TCN2: variants seen among roughly 807,000 people sequenced by gnomAD.
TCN2 encodes the protein transcobalamin 2.
A neutral mutation model predicts 48.6 loss-of-function variants in TCN2; 34 were observed. The ratio of observed to expected loss-of-function variants is 0.70; its 90% CI spans 0.53 to 0.93. The LOEUF (loss-of-function observed/expected upper bound fraction) is 0.93. TCN2 is among the 40% of genes least tolerant of loss of function. The pLI is 0.00. For synonymous variants in TCN2, 283 were observed against 212.5 expected, an observed-to-expected ratio of 1.33 and a Z score of -2.89; for missense variants, 652 against 526.1, an observed-to-expected ratio of 1.24 and a Z score of -2.34.
intron 1 of TCN2, among the ~76,000 whole-genome samples, chr22:30,609,137 GCTTC>G (rs1366097942): frequency 6.6e-6 from 1 of 151,496 alleles, no homozygotes; most frequent in Non-Finnish European, 1.5e-5. Flanking sequence ...GGGCTCCTGT[GCTTC>G]CTTTTCTCTT....
rs1384095160 is a variant in TCN2 at position 30,624,080 on chromosome 22, A to ATATT, written c.1222+998_1222+999insATTT. On this transcript the variant is annotated intron_variant, in intron 8 of 8. Transcript: ENST00000215838. ...CACACACATATATATATATATATAT[A>ATATT]TTTTTTTTTTTTGAGATGGAGTCTT... 7.5e-4 allele frequency among the ~76,000 whole-genome samples: 31 copies of ATATT among 41,302 alleles called. 7 individuals are homozygous for ATATT. The highest frequency in any genetic ancestry group is 3.7e-3 in the African/African-American group (16 of 4,312). 27.1% of individuals were successfully genotyped at this position (41,302 alleles called of 152,430 possible).
At position 30,626,013 on chromosome 22, in the gene TCN2, ACACT is replaced by A. The variant is rs962238323; in HGVS notation, c.1223-440_1223-437del. 4.3e-4 allele frequency among the ~76,000 whole-genome samples: 66 copies of A among 152,276 alleles called. No homozygotes were observed. In the Middle Eastern group the frequency reaches 0.017, roughly 39 times the overall value. On this transcript the variant is annotated intron_variant, in intron 8 of 8. Transcript: ENST00000215838. The stretch of plus-strand genomic sequence containing the variant: ...TCCCACATCACCAACAAGAGCAGCG[ACACT>A]CACTCAGAGGTTAAATAACTTGTCC...
intron 3 of TCN2, 23 bp downstream of exon 3, chr22:30,613,065 G>A (rs1226661507): frequency 1.2e-6 from 2 of 1,613,126 alleles, no homozygotes; most frequent in Admixed American, 3.3e-5. Flanking sequence ...CATCCGCTGG[G>A]GGTGGGGAGC....
chr22:30,622,261 A>C (rs1433323084), intron 7 of TCN2, among the ~76,000 whole-genome samples: 2 of 151,926 alleles, frequency 1.3e-5, no homozygotes, highest in Non-Finnish European at 2.9e-5. Context: ...TACTGGGATT[A>C]CAGGGTTGAG....
intron 7 of TCN2, among the ~76,000 whole-genome samples, chr22:30,621,990 G>T (rs922345762): frequency 1.3e-5 from 2 of 151,140 alleles, no homozygotes; most frequent in African/African-American, 4.9e-5. Flanking sequence ...CACGGAGTTT[G>T]TTTTGTTTTG....
intron 2 of TCN2, among the ~76,000 whole-genome samples, chr22:30,611,880 C>T (rs1456114395): frequency 2.6e-5 from 4 of 152,084 alleles, no homozygotes; most frequent in Non-Finnish European, 4.4e-5. Context: ...GAATGAGAGG[C>T]GAAGAATCAG....
Position 30,614,460 on chromosome 22 carries a change from T to A in TCN2, c.539T>A (p.Leu180Gln). 1 of 1,614,194 alleles carries A rather than the reference T, an allele frequency of 6.2e-7. No individual in the cohort carries two copies. The highest frequency in any genetic ancestry group is 8.5e-7 in the Non-Finnish European group (1 of 1,180,036). Residue 180 changes from leucine to glutamine, a missense_variant, in exon 4 of 9, where the codon CTG (leucine) becomes CAG (glutamine). Physicochemically the swap from Leu to Gln is moderately radical, Grantham distance 113. Transcript: ENST00000215838. ...CATGACAGCGTGGTGGACAAACTTCTGTATGCTGTGGAACCTTTCCACCAG... is the reference window on the plus strand; with the variant it reads ...CATGACAGCGTGGTGGACAAACTTCAGTATGCTGTGGAACCTTTCCACCAG... ...RVHDSVVDKL[L>Q]YAVEPFHQGH... is the part of the protein sequence containing the mutation.
chr22:30,612,095 A>G (rs1180270042), intron 2 of TCN2, among the ~76,000 whole-genome samples: 1 of 152,080 alleles, frequency 6.6e-6, no homozygotes, highest in Admixed American at 6.6e-5. Context: ...AAGAAAAAAA[A>G]TGAGCCAGGT....
At chr22:30,620,859 T>C (rs570980509) in intron 7 of TCN2, among the ~76,000 whole-genome samples, 4 of 152,012 alleles carry the variant, frequency 2.6e-5, no homozygotes, top group East Asian at 1.9e-4. Flanking sequence ...CAGACACAGA[T>C]AGACAGATGT....
intron 8 of TCN2, among the ~76,000 whole-genome samples, chr22:30,623,653 A>G (rs186778399): frequency 0.01 from 1,531 of 150,844 alleles, 20 homozygotes; most frequent in African/African-American, 0.034. Flanking sequence ...AATGTTGCCC[A>G]CATGTATAAC....
intron 8 of TCN2, among the ~76,000 whole-genome samples, chr22:30,624,080 A>ATT (rs201040176): frequency 0.015 from 615 of 41,350 alleles, 177 homozygotes; most frequent in Non-Finnish European, 0.017. Context: ...ATATATATAT[A>ATT]TTTTTTTTTT....
chr22:30,618,291 A>T (rs1396381634), intron 7 of TCN2, among the ~76,000 whole-genome samples: 1 of 150,644 alleles, frequency 6.6e-6, no homozygotes, highest in East Asian at 1.9e-4. Flanking sequence ...TTTGAGACAG[A>T]GTCTCACTCT....
rs1248111998 is a variant in TCN2 at position 30,623,831 on chromosome 22, C to CAT, written c.1222+752_1222+753dup. 2.5e-3 allele frequency among the ~76,000 whole-genome samples: 83 copies of CAT among 33,030 alleles called. 26 individuals carry two copies. Among genetic ancestry groups the CAT allele is most frequent in the East Asian group, 4.5e-3 (11 of 2,460 alleles). 21.7% of individuals were successfully genotyped at this position (33,030 alleles called of 152,430 possible). ...ACATATATACACACACATACACACA[C>CAT]ATATACACACACATACATACACATA... On this transcript the variant is annotated intron_variant, in intron 8 of 8. Coordinates refer to ENST00000215838, the MANE Select transcript of TCN2 (RefSeq NM_000355.4).
chr22:30,623,036 G>C lies in TCN2; in HGVS notation c.1175G>C (p.Arg392Thr). Residue 392 changes from arginine (R) to threonine (T), a missense_variant, in exon 8 of 9, where the codon AGG (arginine) becomes ACG (threonine). Coordinates refer to ENST00000215838, the MANE Select transcript of TCN2 (RefSeq NM_000355.4). ...TSVMGKAAGE[R>T]EFWQLLRDPN... ...GTGATGGGGAAAGCGGCCGGAGAAA[G>C]GGAGTTCTGGCAGCTTCTCCGAGAC... 6.2e-7 allele frequency: 1 copy of C among 1,614,016 alleles called. No homozygotes were observed. Among genetic ancestry groups the C allele is most frequent in the East Asian group, 2.2e-5 (1 of 44,860 alleles).
chr22:30,617,571 A>T (rs1353826774), intron 7 of TCN2, 76 bp downstream of exon 7: 13 of 1,599,208 alleles, frequency 8.1e-6, no homozygotes, highest in Non-Finnish European at 1.1e-5. Context: ...AGAGACGGGG[A>T]ACAGAGGAGA....
At position 30,617,367 on chromosome 22, in the gene TCN2, C is replaced by T. The variant is rs750694462; in HGVS notation, c.978C>T (p.Thr326=). 2 of 1,614,120 alleles carry T rather than the reference C, an allele frequency of 1.2e-6. No homozygotes were observed. The highest frequency in any genetic ancestry group is 1.3e-5 in the African/African-American group (1 of 74,998). The change falls in exon 7 of 9, where the codon ACC becomes ACT. Residue 326 remains threonine (T), a synonymous_variant. Coordinates refer to ENST00000215838, the MANE Select transcript of TCN2 (RefSeq NM_000355.4). ...LEPAAETIPQ[T]QEIISVTLQV... ...CAGCTGCTGAGACCATTCCTCAGAC[C>T]CAAGAGATCATCAGTGTCACGCTGC... is the stretch of plus-strand genomic sequence containing the variant.
At chr22:30,613,712 T>C (rs1212690471) in intron 3 of TCN2, among the ~76,000 whole-genome samples, 3 of 152,132 alleles carry the variant, frequency 2.0e-5, no homozygotes, top group Non-Finnish European at 4.4e-5. Flanking sequence ...TGACCCAGCA[T>C]ACAACAGCCA....
chr22:30,623,995 CACATATATATGTATACATATAT>C, intron 8 of TCN2, among the ~76,000 whole-genome samples: 1 of 114,666 alleles, frequency 8.7e-6, no homozygotes, highest in African/African-American at 3.6e-5. Flanking sequence ...CATATATACA[CACATATATATGTATACATATAT>C]ACACACATAT....
At position 30,623,969 on chromosome 22, in the gene TCN2, C is replaced by CATGTAT. The variant is rs1569046997; in HGVS notation, c.1222+887_1222+888insTGTATA. 1.7e-3 allele frequency among the ~76,000 whole-genome samples: 112 copies of CATGTAT among 67,134 alleles called. 32 individuals are homozygous for CATGTAT. The highest frequency in any genetic ancestry group is 2.1e-3 in the East Asian group (5 of 2,370). The allele number at this position is 67,134 out of a possible 152,430, so 44.0% of individuals were successfully genotyped here. A position where few individuals can be genotyped will look rare whatever the true frequency, so the allele number is the denominator to read the frequency against. On this transcript the variant is annotated intron_variant, in intron 8 of 8. Transcript: ENST00000215838. ...ACACATATGTATACATATATACACA[C>CATGTAT]ACATATATATGTATACATATATACA...
Sources: gnomAD v4.1 joint callset for allele counts (sites outside exome capture counted in the v4.1 genomes callset) on GRCh38, gnomAD v4.1.1 for gene constraint, MANE v1.5 for transcripts, NCBI Gene and HGNC (gene_info 2026-07-23, HGNC 2026-07-21) for gene names.